The following BTC variants were observed in gnomAD, a reference collection of about 807,000 sequenced individuals.
BTC encodes the protein probetacellulin.
In BTC, 13 loss-of-function variants were observed where a neutral mutation model predicts 18.1. That is an observed-to-expected ratio of 0.72 (90% CI 0.47 to 1.14). BTC has a LOEUF of 1.14. BTC is among the 50% of genes most tolerant of loss of function. The pLI is 0.00. For synonymous variants in BTC, 83 were observed against 79.4 expected, an observed-to-expected ratio of 1.05 and a Z score of -0.24; for missense variants, 247 against 224.2, an observed-to-expected ratio of 1.10 and a Z score of -0.65.
intron 3 of BTC, among the ~76,000 whole-genome samples, chr4:74,751,240 A>T (rs912724884): frequency 8.5e-5 from 13 of 152,196 alleles, no homozygotes; most frequent in Non-Finnish European, 1.8e-4. Context: ...AATGTTCCAT[A>T]AGTGTTATTT....
chr4:74,782,810 G>T (rs1260708750), intron 1 of BTC, among the ~76,000 whole-genome samples: 2 of 152,114 alleles, frequency 1.3e-5, no homozygotes, highest in African/African-American at 4.8e-5. Context: ...GTGTGAAAAT[G>T]GTATCTCATT....
chr4:74,782,173 C>T (rs963844829), intron 1 of BTC, among the ~76,000 whole-genome samples: 2 of 151,798 alleles, frequency 1.3e-5, no homozygotes, highest in African/African-American at 4.8e-5. Flanking sequence ...CACAGGTAAA[C>T]ATGTACCATA....
chr4:74,759,480 C>T (rs1452692550), intron 2 of BTC, among the ~76,000 whole-genome samples: 1 of 152,132 alleles, frequency 6.6e-6, no homozygotes, highest in Non-Finnish European at 1.5e-5. Context: ...GCAACACAAT[C>T]TCATAAGTGG....
chr4:74,758,106 G>A (rs1724651714), intron 2 of BTC, among the ~76,000 whole-genome samples: 1 of 152,278 alleles, frequency 6.6e-6, no homozygotes, highest in Admixed American at 6.5e-5. Context: ...ATTGAGTTAT[G>A]GAGAATGTCA....
At chr4:74,759,152 C>G (rs1420670582) in intron 2 of BTC, among the ~76,000 whole-genome samples, 1 of 152,056 alleles carries the variant, frequency 6.6e-6, no homozygotes, top group African/African-American at 2.4e-5. Flanking sequence ...ATCATGAGAC[C>G]TGATAATATA....
At chr4:74,760,073 C>A (rs1234753540) in intron 2 of BTC, among the ~76,000 whole-genome samples, 1 of 152,140 alleles carries the variant, frequency 6.6e-6, no homozygotes, top group East Asian at 1.9e-4. Context: ...AGTGTTCATC[C>A]AAATGTATTC....
chr4:74,781,443 C>G (rs542784258), intron 1 of BTC, among the ~76,000 whole-genome samples: 1 of 149,228 alleles, frequency 6.7e-6, no homozygotes, highest in African/African-American at 2.5e-5. Flanking sequence ...AATCTCTTAT[C>G]CCTTGTCTTT....
intron 1 of BTC, among the ~76,000 whole-genome samples, chr4:74,783,204 A>G (rs151035406): frequency 1.1e-3 from 172 of 151,996 alleles, no homozygotes; most frequent in African/African-American, 3.9e-3. Flanking sequence ...TATTGCCTAG[A>G]TTTTCTTCTA....
At chr4:74,760,661 T>C (rs529091928) in intron 2 of BTC, among the ~76,000 whole-genome samples, 3 of 152,226 alleles carry the variant, frequency 2.0e-5, no homozygotes, top group South Asian at 4.2e-4. Context: ...GAGGTACATG[T>C]TAACTTTTTC....
At chr4:74,783,168 T>C (rs1274830886) in intron 1 of BTC, among the ~76,000 whole-genome samples, 1 of 152,178 alleles carries the variant, frequency 6.6e-6, no homozygotes, top group Non-Finnish European at 1.5e-5. Context: ...TCATGAAATC[T>C]TTGTCCATGC....
chr4:74,756,029 T>A, intron 2 of BTC, 53 bp from the exon 3 acceptor site: 1 of 1,373,806 alleles, frequency 7.3e-7, no homozygotes, highest in Non-Finnish European at 1.0e-6. Context: ...TATTCACTTG[T>A]AAATAGAATC....
chr4:74,747,953 G>T, intron 5 of BTC, 87 bp downstream of exon 5: 1 of 594,464 alleles, frequency 1.7e-6, no homozygotes, highest in South Asian at 2.8e-5. Context: ...AAATTCTAAT[G>T]AATGATTTAG....
At chr4:74,763,413 C>T (rs996225496) in intron 2 of BTC, among the ~76,000 whole-genome samples, 2 of 151,910 alleles carry the variant, frequency 1.3e-5, no homozygotes, top group Non-Finnish European at 2.9e-5. Context: ...GCCAGTTTGC[C>T]CCATGTAGAG....
intron 1 of BTC, among the ~76,000 whole-genome samples, chr4:74,789,223 A>T (rs988253454): frequency 1.3e-5 from 2 of 152,222 alleles, no homozygotes; most frequent in East Asian, 3.9e-4. Flanking sequence ...AAGCATGGCC[A>T]TGGTGGGCAA....
intron 2 of BTC, among the ~76,000 whole-genome samples, chr4:74,758,015 T>C (rs1694904882): frequency 6.6e-6 from 1 of 152,172 alleles, no homozygotes; most frequent in African/African-American, 2.4e-5. Flanking sequence ...CTAACAGCAA[T>C]CTCATATAAG....
intron 2 of BTC, among the ~76,000 whole-genome samples, chr4:74,758,036 G>A (rs1273831753): frequency 3.3e-5 from 5 of 152,190 alleles, no homozygotes; most frequent in African/African-American, 1.2e-4. Flanking sequence ...TATGAAGAAT[G>A]CTGACCTAAT....
chr4:74,745,107 T>C lies in BTC; in HGVS notation c.*1570A>G, dbSNP rs1218335010. 2 of 152,234 alleles carry C rather than the reference T, an allele frequency of 1.3e-5. No homozygotes were observed. The highest frequency in any genetic ancestry group is 1.3e-4 in the Admixed American group (2 of 15,278). The allele number at this position is 152,234 out of a possible 1,614,324, so 9.4% of individuals were successfully genotyped here. A position where few individuals can be genotyped will look rare whatever the true frequency, so the allele number is the denominator to read the frequency against. ...GAGAAAGGGCATGAATGAGCTTAAA[T>C]GAGACTTTTGAAAATAAGGCATATA... On this transcript the variant is annotated 3_prime_UTR_variant, in exon 6 of 6. Transcript: ENST00000395743.
In BTC at chr4:74,754,938, AACAC is replaced by A. The variant is rs33972204; in HGVS notation, c.281+917_281+920del. 1.0e-3 allele frequency among the ~76,000 whole-genome samples: 152 copies of A among 149,844 alleles called. 1 individual carries two copies. The highest frequency in any genetic ancestry group is 1.3e-3 in the African/African-American group (55 of 40,870). ...TTAAAAAATTAGATCTATCCCTCTC[AACAC>A]ACACACACACACACACACACACACT... On this transcript the variant is annotated intron_variant, in intron 3 of 5. Transcript: ENST00000395743.
At chr4:74,790,760 C>G (rs187224000) in intron 1 of BTC, among the ~76,000 whole-genome samples, 1 of 152,140 alleles carries the variant, frequency 6.6e-6, no homozygotes, top group African/African-American at 2.4e-5. Context: ...CTGGTCTGAC[C>G]AATACCAACT....
Sources: gnomAD v4.1 joint callset for allele counts (sites outside exome capture counted in the v4.1 genomes callset) on GRCh38, gnomAD v4.1.1 for gene constraint, MANE v1.5 for transcripts, NCBI Gene and HGNC (gene_info 2026-07-23, HGNC 2026-07-21) for gene names.